Variants in CELF2 observed in about 807,000 individuals in gnomAD.
CELF2 encodes CUG triplet repeat RNA-binding protein 2.
In CELF2, 8 loss-of-function variants were observed where a neutral mutation model predicts 62.6. That is an observed-to-expected ratio of 0.13 (90% CI 0.07 to 0.23). The LOEUF is 0.23. Ranked by LOEUF, CELF2 falls within the 10% of genes least tolerant of loss-of-function variation. The pLI is 1.00. For synonymous variants in CELF2, 258 were observed against 250.0 expected, an observed-to-expected ratio of 1.03 and a Z score of -0.30; for missense variants, 333 against 671.0, an observed-to-expected ratio of 0.50 and a Z score of 5.56.
chr10:10,500,595 T>C, the CELF2 span, among the ~76,000 whole-genome samples: 13 of 152,224 alleles, frequency 8.5e-5, no homozygotes, highest in Admixed American at 3.3e-4. Flanking sequence ...CCCAGCCACA[T>C]GGAACTGTGA....
intron 1 of CELF2, among the ~76,000 whole-genome samples, chr10:10,874,969 A>G (rs1275528576): frequency 6.6e-6 from 1 of 152,262 alleles, no homozygotes; most frequent in Admixed American, 6.5e-5. Context: ...AGATTTCATT[A>G]AAATTGATCA....
intron 1 of CELF2, among the ~76,000 whole-genome samples, chr10:10,857,159 C>T (rs1360614065): frequency 6.6e-6 from 1 of 152,028 alleles, no homozygotes; most frequent in Non-Finnish European, 1.5e-5. Flanking sequence ...GAAAGAGCTC[C>T]AGAAATTTAT....
the CELF2 span, among the ~76,000 whole-genome samples, chr10:10,570,663 T>C: frequency 2.6e-5 from 4 of 152,090 alleles, no homozygotes; most frequent in Non-Finnish European, 2.9e-5. Context: ...CAATGTAAGA[T>C]GCCACAATAT....
chr10:10,593,594 T>C, the CELF2 span, among the ~76,000 whole-genome samples: 36,779 of 152,070 alleles, frequency 0.24, 4,967 homozygotes, highest in South Asian at 0.51. Context: ...TGTGATAATA[T>C]CACAGGCCAG....
chr10:10,991,826 T>C (rs2053473357), intron 2 of CELF2, among the ~76,000 whole-genome samples: 1 of 152,124 alleles, frequency 6.6e-6, no homozygotes, highest in African/African-American at 2.4e-5. Flanking sequence ...ACAGATCCCA[T>C]TATGTTTATT....
At chr10:10,687,265 C>T in the CELF2 span, among the ~76,000 whole-genome samples, 96 of 152,306 alleles carry the variant, frequency 6.3e-4, no homozygotes, top group Middle Eastern at 6.8e-3. Flanking sequence ...GTTAACTTTC[C>T]TCCACCTCAG....
At chr10:11,261,344 G>T (rs183656386) in intron 5 of CELF2, among the ~76,000 whole-genome samples, 34 of 151,580 alleles carry the variant, frequency 2.2e-4, no homozygotes, top group African/African-American at 8.2e-4. Context: ...CCCCCACTGT[G>T]TCAGAGAGGT....
the CELF2 span, among the ~76,000 whole-genome samples, chr10:10,628,552 C>T: frequency 1.3e-5 from 2 of 152,170 alleles, no homozygotes; most frequent in Non-Finnish European, 2.9e-5. Flanking sequence ...AAAGTGGCTG[C>T]AAGTATACTT....
At chr10:10,920,597 G>C (rs2064801336) in intron 2 of CELF2, among the ~76,000 whole-genome samples, 1 of 152,020 alleles carries the variant, frequency 6.6e-6, no homozygotes, top group Non-Finnish European at 1.5e-5. Context: ...TGATATTTAT[G>C]TCAGTATATT....
intron 2 of CELF2, chr10:10,929,549 G>A (rs989328784): frequency 3.3e-5 from 5 of 152,190 alleles, no homozygotes; most frequent in Non-Finnish European, 5.9e-5. Context: ...CAGTGCATAT[G>A]ATCTAGAGCC....
the CELF2 span, among the ~76,000 whole-genome samples, chr10:10,499,843 A>C: frequency 1.3e-5 from 2 of 152,280 alleles, no homozygotes; most frequent in African/African-American, 4.8e-5. Context: ...ATGCCACTGC[A>C]CTCCAGCTTG....
upstream of CELF2, among the ~76,000 whole-genome samples, chr10:11,003,775 C>T (rs1156658291): frequency 6.6e-6 from 1 of 152,044 alleles, no homozygotes; most frequent in Non-Finnish European, 1.5e-5. This position sits in a 1 kb window ranked among gnomAD's most constrained non-coding sequence, Gnocchi z 4.4. Context: ...TGATATCATT[C>T]GCTGGCAAGG....
rs2057913830 is a variant in CELF2 at position 11,197,028 on chromosome 10, A to AGGAAGGAAGGAAG, written c.272-20396_272-20395insGAAGGAAGGAAGG. Among the ~76,000 whole-genome samples the AGGAAGGAAGGAAG allele has an allele frequency of 2.9e-4, 6 of 20,982 alleles. 1 individual carries two copies. Among genetic ancestry groups the AGGAAGGAAGGAAG allele is most frequent in the African/African-American group, 1.2e-3 (3 of 2,598 alleles). 13.8% of individuals were successfully genotyped at this position (20,982 alleles called of 152,430 possible). On this transcript the variant is annotated intron_variant, in intron 2 of 12. Coordinates refer to ENST00000633077, the MANE Select transcript of CELF2 (RefSeq NM_001326342.2). ...AGAAAGAAAGAAAGAAAGAAAGAAAAGAAAGAAAGAAAGAAAGAAAGAAAG... is the reference window on the plus strand; with the variant it reads ...AGAAAGAAAGAAAGAAAGAAAGAAAAGGAAGGAAGGAAGGAAAGAAAGAAAGAAAGAAAGAAAG...
the CELF2 span, among the ~76,000 whole-genome samples, chr10:10,657,236 A>G: frequency 6.6e-6 from 1 of 152,160 alleles, no homozygotes; most frequent in Non-Finnish European, 1.5e-5. Context: ...TAGATGAGTG[A>G]CTGGTAGCTT....
upstream of CELF2, among the ~76,000 whole-genome samples, chr10:11,004,090 C>T (rs768417489): frequency 1.1e-4 from 16 of 152,190 alleles, no homozygotes; most frequent in Non-Finnish European, 2.1e-4. The surrounding 1 kb of genome is among the most constrained non-coding windows in gnomAD (Gnocchi z 5.0). Context: ...AGACCAAGTT[C>T]AGAGGTCAGA....
chr10:11,047,705 T>G (rs1173604603), intron 1 of CELF2, among the ~76,000 whole-genome samples: 2 of 152,172 alleles, frequency 1.3e-5, no homozygotes, highest in Non-Finnish European at 2.9e-5. Flanking sequence ...AGTGATGAGA[T>G]CTTGTTTATT....
chr10:10,804,165 G>A (rs1590553552), intron 1 of CELF2, among the ~76,000 whole-genome samples: 1 of 152,216 alleles, frequency 6.6e-6, no homozygotes, highest in African/African-American at 2.4e-5. Context: ...TGGAACAGAT[G>A]TTGACAAATT....
At position 11,145,916 on chromosome 10, in the gene CELF2, T is replaced by G. The variant is rs2062181752; in HGVS notation, c.75-19570T>G. 6.6e-6 allele frequency among the ~76,000 whole-genome samples: 1 copy of G among 152,228 alleles called. No individual in the cohort carries two copies. ...ATTCCTTATGTATACTTTTTTCTTT[T>G]TCATTTTCTAACTACTACTTAAAAT... On this transcript the variant is annotated intron_variant, in intron 1 of 12. Transcript: ENST00000633077. This position sits in a 1 kb window ranked among gnomAD's most constrained non-coding sequence, Gnocchi z 4.3.
At chr10:10,987,767 G>A (rs1204417715) in intron 2 of CELF2, among the ~76,000 whole-genome samples, 2 of 151,294 alleles carry the variant, frequency 1.3e-5, no homozygotes, top group African/African-American at 2.4e-5. Context: ...AAATCAGCAA[G>A]AAAAAAAATA....
Sources: gnomAD v4.1 joint callset for allele counts (sites outside exome capture counted in the v4.1 genomes callset) on GRCh38, gnomAD v4.1.1 for gene constraint, Gnocchi (gnomAD v3.1) non-coding constraint, MANE v1.5 for transcripts, NCBI Gene and HGNC (gene_info 2026-07-23, HGNC 2026-07-21) for gene names.